SLC35F1: variants seen among roughly 807,000 people sequenced by gnomAD.
SLC35F1 encodes solute carrier family 35 member F1, also known as chromosome 6 open reading frame 169.
In SLC35F1, 14 loss-of-function variants were observed where a neutral mutation model predicts 48.7. The ratio of observed to expected loss-of-function variants is 0.29; its 90% confidence interval spans 0.19 to 0.45. The LOEUF (loss-of-function observed/expected upper bound fraction) is 0.45, where lower values mean the gene tolerates loss of function less well. Among genes scored for constraint, SLC35F1 ranks in the 20% least tolerant of loss-of-function variants. The probability of loss-of-function intolerance (pLI) is 1.00; values close to 1 mark genes in which losing one functional copy is unlikely to be tolerated. For missense variants in SLC35F1, 404 were observed against 500.0 expected (o/e 0.81, Z 1.83); for synonymous variants, 190 against 202.2 (o/e 0.94, Z 0.51).
At chr6:118,300,785 C>T (rs1157431980) in intron 7 of SLC35F1, among the ~76,000 whole-genome samples, 1 of 152,136 alleles carries the variant, frequency 6.6e-6, no homozygotes, top group Admixed American at 6.5e-5. Flanking sequence ...TGGTTTCCTT[C>T]TCATTTGAAT....
intron 1 of SLC35F1, among the ~76,000 whole-genome samples, chr6:118,010,324 T>G (rs1777227845): frequency 6.6e-6 from 1 of 152,218 alleles, no homozygotes; most frequent in Non-Finnish European, 1.5e-5. Flanking sequence ...TCTCTTGTTT[T>G]TATATCTGTC....
chr6:118,208,697 A>G (rs115027733), intron 2 of SLC35F1, among the ~76,000 whole-genome samples: 46 of 152,296 alleles, frequency 3.0e-4, no homozygotes, highest in African/African-American at 1.1e-3. Context: ...TCCCATCACA[A>G]ACACCTCTGT....
At chr6:118,285,456 G>C in intron 7 of SLC35F1, 118 bp downstream of exon 7, 1 of 1,157,512 alleles carries the variant, frequency 8.6e-7, no homozygotes. Context: ...AATGTAACTG[G>C]GTGTGCTAAC....
intron 1 of SLC35F1, among the ~76,000 whole-genome samples, chr6:117,911,807 C>T (rs1329985949): frequency 4.0e-5 from 6 of 151,782 alleles, no homozygotes; most frequent in African/African-American, 2.4e-5. Flanking sequence ...CAGAAAATGA[C>T]GAAAAGAAAA....
At chr6:118,071,309 C>T (rs930181543) in intron 1 of SLC35F1, among the ~76,000 whole-genome samples, 1 of 151,484 alleles carries the variant, frequency 6.6e-6, no homozygotes, top group Non-Finnish European at 1.5e-5. Context: ...TCTTTCTACA[C>T]CACCTTTTGC....
chr6:118,010,205 G>A (rs1777226884), intron 1 of SLC35F1, among the ~76,000 whole-genome samples: 1 of 152,140 alleles, frequency 6.6e-6, no homozygotes, highest in South Asian at 2.1e-4. Context: ...GGTCCAAGAA[G>A]GTCTTTATAT....
intron 2 of SLC35F1, among the ~76,000 whole-genome samples, chr6:118,203,692 A>G (rs1267550930): frequency 6.6e-6 from 1 of 152,234 alleles, no homozygotes; most frequent in Non-Finnish European, 1.5e-5. Flanking sequence ...CCAGAGGAGA[A>G]AAAAACTGCA....
chr6:118,270,905 C>G (rs191550042), intron 4 of SLC35F1, among the ~76,000 whole-genome samples: 44 of 152,238 alleles, frequency 2.9e-4, no homozygotes, highest in African/African-American at 1.0e-3. Flanking sequence ...TAAGATAAAA[C>G]CTAATCAAAA....
At chr6:117,976,057 CA>C (rs1776701519) in intron 1 of SLC35F1, among the ~76,000 whole-genome samples, 1 of 152,186 alleles carries the variant, frequency 6.6e-6, no homozygotes, top group Admixed American at 6.5e-5. Flanking sequence ...CTTTCCCATA[CA>C]AATGCATTGT....
At chr6:117,988,535 C>T (rs1051996838) in intron 1 of SLC35F1, among the ~76,000 whole-genome samples, 6 of 152,112 alleles carry the variant, frequency 3.9e-5, no homozygotes, top group African/African-American at 1.4e-4. Flanking sequence ...GCCCCTCAAC[C>T]GAGATGGTCC....
intron 3 of SLC35F1, among the ~76,000 whole-genome samples, chr6:118,250,382 T>C (rs1258018516): frequency 6.6e-6 from 1 of 152,238 alleles, no homozygotes; most frequent in African/African-American, 2.4e-5. Flanking sequence ...TAAATATTTT[T>C]GAATGAATTC....
At chr6:118,049,527 A>T in intron 1 of SLC35F1, among the ~76,000 whole-genome samples, 1 of 151,908 alleles carries the variant, frequency 6.6e-6, no homozygotes, top group East Asian at 1.9e-4. Context: ...AGAAAAAAAC[A>T]AACAACCCCA....
intron 7 of SLC35F1, among the ~76,000 whole-genome samples, chr6:118,299,085 G>A (rs1025747923): frequency 2.0e-5 from 3 of 152,138 alleles, no homozygotes; most frequent in Non-Finnish European, 4.4e-5. Context: ...GGATGCTAAG[G>A]TGGGAGGATC....
At position 118,082,582 on chromosome 6, in the gene SLC35F1, AT is replaced by A. The variant is rs58010546; in HGVS notation, c.174-71850del. Among the ~76,000 whole-genome samples the A allele has an allele frequency of 7.6e-3, 1,114 of 145,652 alleles. 5 individuals carry two copies. Among genetic ancestry groups the A allele is most frequent in the Middle Eastern group, 0.021 (6 of 282 alleles). Reference sequence around the variant, plus strand: ...CTCAACTCTAACAAACAAAGAAGGGATTTTTTTTTTTTTCATAAAGGAGAAG... The same window carrying A: ...CTCAACTCTAACAAACAAAGAAGGGATTTTTTTTTTTTCATAAAGGAGAAG... On this transcript the variant is annotated intron_variant, in intron 1 of 7. Coordinates refer to ENST00000360388, the MANE Select transcript of SLC35F1 (RefSeq NM_001029858.4).
chr6:117,965,865 C>T (rs1158283464), intron 1 of SLC35F1, among the ~76,000 whole-genome samples: 1 of 152,036 alleles, frequency 6.6e-6, no homozygotes, highest in Non-Finnish European at 1.5e-5. Flanking sequence ...GTAAATGCAC[C>T]AATCAGCGCT....
chr6:118,254,440 C>A (rs1775617423), intron 3 of SLC35F1, among the ~76,000 whole-genome samples: 1 of 152,072 alleles, frequency 6.6e-6, no homozygotes, highest in Non-Finnish European at 1.5e-5. Flanking sequence ...TGCCACCACG[C>A]CTAGCTTATT....
At chr6:117,987,619 G>A (rs2114855120) in intron 1 of SLC35F1, among the ~76,000 whole-genome samples, 1 of 152,248 alleles carries the variant, frequency 6.6e-6, no homozygotes, top group Non-Finnish European at 1.5e-5. Flanking sequence ...CAAAAAGCCT[G>A]GTGATTACCT....
intron 2 of SLC35F1, among the ~76,000 whole-genome samples, chr6:118,223,801 C>T (rs1046370538): frequency 6.6e-6 from 1 of 152,200 alleles, no homozygotes. Context: ...CATGTCAGAG[C>T]TCAAGGTCAG....
At chr6:118,255,502 G>C (rs1350101345) in intron 3 of SLC35F1, among the ~76,000 whole-genome samples, 1 of 152,186 alleles carries the variant, frequency 6.6e-6, no homozygotes, top group Non-Finnish European at 1.5e-5. Context: ...AACTGAGCTA[G>C]AGAGCTTGTG....
Sources: gnomAD v4.1 joint callset for allele counts (sites outside exome capture counted in the v4.1 genomes callset) on GRCh38, gnomAD v4.1.1 for gene constraint, MANE v1.5 for transcripts, NCBI Gene and HGNC (gene_info 2026-07-23, HGNC 2026-07-21) for gene names.